AGBL3: variants seen among roughly 807,000 people sequenced by gnomAD.
The protein encoded by AGBL3 is cytosolic carboxypeptidase 3.
AGBL3 carries 68 observed loss-of-function variants against 94.5 expected under a neutral mutation model. That is an observed-to-expected ratio of 0.72 (90% CI 0.59 to 0.88). The LOEUF (loss-of-function observed/expected upper bound fraction) is 0.88, where lower values mean the gene tolerates loss of function less well. Ranked by LOEUF, AGBL3 falls within the 40% of genes least tolerant of loss-of-function variation. The probability of loss-of-function intolerance (pLI) is 0.00; values close to 1 mark genes in which losing one functional copy is unlikely to be tolerated. For synonymous variants in AGBL3, 354 were observed against 370.7 expected, an observed-to-expected ratio of 0.95 and a Z score of 0.52; for missense variants, 934 against 1,103.8, an observed-to-expected ratio of 0.85 and a Z score of 2.18.
intron 16 of AGBL3, among the ~76,000 whole-genome samples, chr7:135,126,776 C>T (rs1395003543): frequency 3.3e-5 from 5 of 152,180 alleles, no homozygotes; most frequent in Non-Finnish European, 5.9e-5. Flanking sequence ...GGAAAGGATT[C>T]CCTGTTCAAT....
chr7:135,075,268 A>T (rs181619701), intron 12 of AGBL3, among the ~76,000 whole-genome samples: 1 of 152,308 alleles, frequency 6.6e-6, no homozygotes, highest in Admixed American at 6.5e-5. Flanking sequence ...TCTGTTCCGC[A>T]TTTCTGTAAA....
intron 7 of AGBL3, among the ~76,000 whole-genome samples, chr7:135,037,204 G>A (rs1413140106): frequency 6.6e-6 from 1 of 152,206 alleles, no homozygotes; most frequent in Non-Finnish European, 1.5e-5. Context: ...ACAGGCATGA[G>A]CCACTGCGCT....
chr7:135,022,168 T>A (rs1814572370), intron 5 of AGBL3, among the ~76,000 whole-genome samples: 1 of 152,242 alleles, frequency 6.6e-6, no homozygotes, highest in Non-Finnish European at 1.5e-5. Context: ...TTTATATTCC[T>A]TTGGGTATAT....
Position 135,000,194 on chromosome 7 carries a change from G to A in AGBL3, c.310+6516G>A, listed in dbSNP as rs146538401. 1.2e-3 allele frequency among the ~76,000 whole-genome samples: 187 copies of A among 152,264 alleles called. 3 individuals are homozygous for A. Among genetic ancestry groups the A allele is most frequent in the African/African-American group, 4.3e-3 (178 of 41,538 alleles). On this transcript the variant is annotated intron_variant, in intron 4 of 16. Transcript: ENST00000436302. ...GCATTGTGGGCATTTCAGCTTTCAC[G>A]GTTATATGTCCTTCAGTATAATGGT...
intron 5 of AGBL3, among the ~76,000 whole-genome samples, chr7:135,021,583 C>T (rs886240910): frequency 2.0e-5 from 3 of 152,114 alleles, no homozygotes; most frequent in Non-Finnish European, 2.9e-5. Flanking sequence ...TGAGCCACCA[C>T]GCCCGGCCCT....
At chr7:135,097,191 A>C (rs1411681306) in intron 15 of AGBL3, among the ~76,000 whole-genome samples, 3 of 152,166 alleles carry the variant, frequency 2.0e-5, no homozygotes, top group African/African-American at 7.2e-5. Context: ...AAAGGTTACG[A>C]CTAAAATATC....
At chr7:134,994,091 C>T (rs962771664) in intron 4 of AGBL3, among the ~76,000 whole-genome samples, 2 of 152,144 alleles carry the variant, frequency 1.3e-5, no homozygotes, top group African/African-American at 2.4e-5. Flanking sequence ...AAGGGCATGA[C>T]GGTGTCCCAG....
chr7:134,993,212 T>C (rs1810523633), intron 3 of AGBL3, among the ~76,000 whole-genome samples: 2 of 152,220 alleles, frequency 1.3e-5, no homozygotes, highest in African/African-American at 2.4e-5. Context: ...TCAAAGTAGA[T>C]GATTTGCTAG....
At chr7:134,987,811 G>A (rs2133347372) in intron 1 of AGBL3, 64 bp from the exon 2 acceptor site, 2 of 660,550 alleles carry the variant, frequency 3.0e-6, no homozygotes, top group South Asian at 3.8e-5. Flanking sequence ...ATATTTTTGA[G>A]TACTCATTTA....
chr7:135,080,099 GAA>G, intron 13 of AGBL3, 102 bp from the exon 14 acceptor site: 1 of 897,912 alleles, frequency 1.1e-6, no homozygotes, highest in South Asian at 1.6e-5. Context: ...GATGAAATGA[GAA>G]ATATTTGTTA....
chr7:134,999,188 TTC>T (rs1281965843), intron 4 of AGBL3, among the ~76,000 whole-genome samples: 1 of 152,212 alleles, frequency 6.6e-6, no homozygotes, highest in Non-Finnish European at 1.5e-5. Context: ...CCACAGTATC[TTC>T]TGTTTCAGTC....
intron 2 of AGBL3, chr7:134,988,216 AT>A (rs1263192929): frequency 2.7e-6 from 1 of 364,714 alleles, no homozygotes; most frequent in East Asian, 5.3e-5. Context: ...TTTTGAGAAA[AT>A]ATTTTAGCTA....
chr7:135,101,412 A>G, intron 15 of AGBL3: 2 of 343,666 alleles, frequency 5.8e-6, no homozygotes, highest in Non-Finnish European at 1.2e-5. Flanking sequence ...TAGCTATTTT[A>G]GTCCTGTCTG....
intron 15 of AGBL3, among the ~76,000 whole-genome samples, chr7:135,107,031 T>C (rs553325562): frequency 7.3e-4 from 111 of 152,318 alleles, no homozygotes; most frequent in Non-Finnish European, 8.5e-4. Flanking sequence ...CTGATTATTG[T>C]TTTACTGTGG....
At chr7:135,052,107 CCT>C (rs1339781034) in intron 11 of AGBL3, among the ~76,000 whole-genome samples, 5 of 152,136 alleles carry the variant, frequency 3.3e-5, no homozygotes, top group Non-Finnish European at 5.9e-5. Context: ...CCTTCTGTAC[CCT>C]GTTTCCTCCC....
intron 16 of AGBL3, among the ~76,000 whole-genome samples, chr7:135,132,742 T>C (rs1262847727): frequency 2.6e-5 from 4 of 152,160 alleles, no homozygotes; most frequent in Admixed American, 2.6e-4. Flanking sequence ...CGTGCCACCA[T>C]GTAAGACATG....
At chr7:135,041,169 A>T (rs1816822604) in intron 8 of AGBL3, among the ~76,000 whole-genome samples, 1 of 152,206 alleles carries the variant, frequency 6.6e-6, no homozygotes, top group Non-Finnish European at 1.5e-5. Context: ...GGATTGGAAG[A>T]CTAAACACAG....
At chr7:135,101,282 T>G (rs1348415054) in intron 15 of AGBL3, 1 of 455,622 alleles carries the variant, frequency 2.2e-6, no homozygotes, top group Non-Finnish European at 4.4e-6. Context: ...CAGAAGGTTG[T>G]TACTTGTTTT....
chr7:135,104,485 G>C (rs1041750775), intron 15 of AGBL3, among the ~76,000 whole-genome samples: 2 of 152,058 alleles, frequency 1.3e-5, no homozygotes, highest in Non-Finnish European at 2.9e-5. Flanking sequence ...TCTGTTTTTA[G>C]CTCCTTAAGG....
Sources: gnomAD v4.1 joint callset for allele counts (sites outside exome capture counted in the v4.1 genomes callset) on GRCh38, gnomAD v4.1.1 for gene constraint, MANE v1.5 for transcripts, NCBI Gene and HGNC (gene_info 2026-07-23, HGNC 2026-07-21) for gene names.